BUB1: variants seen among roughly 807,000 people sequenced by gnomAD.
The protein encoded by BUB1 is BUB1 mitotic checkpoint serine/threonine kinase.
A neutral mutation model predicts 135.2 loss-of-function variants in BUB1; 84 were observed. The ratio of observed to expected loss-of-function variants is 0.62; its 90% CI spans 0.52 to 0.74. BUB1 has a LOEUF of 0.74. BUB1 is among the 30% of genes least tolerant of loss of function. The pLI is 0.00. For synonymous variants in BUB1, 403 were observed against 434.4 expected (o/e 0.93, Z 0.90); for missense variants, 1,162 against 1,288.3 (o/e 0.90, Z 1.50).
chr2:110,639,923 T>C (rs762968559), intron 23 of BUB1, 75 bp from the exon 24 acceptor site: 1 of 1,225,154 alleles, frequency 8.2e-7, no homozygotes, highest in Non-Finnish European at 1.2e-6. Flanking sequence ...CTGTCTAACT[T>C]AGGCAGCAAG....
intron 4 of BUB1, 142 bp downstream of exon 4, chr2:110,672,519 T>C: frequency 1.3e-6 from 1 of 776,110 alleles, no homozygotes. Context: ...GAGCAGTTTT[T>C]TTCTTTACAC....
rs942921022 is a variant in BUB1 at position 110,639,827 on chromosome 2, C to A, written c.2977G>T (p.Ala993Ser). The change falls in exon 24 of 25, where the codon GCA (alanine) becomes TCA (serine). Residue 993 changes from alanine (A) to serine (S), a missense_variant. Transcript: ENST00000302759. ...NYQIDYFGVA[A>S]TVYCMLFGTY... ...CCAAAGAGCATGCAATATACTGTTG[C>A]AGCAACCCCAAAGTAATCGATCTAT... is the stretch of plus-strand genomic sequence containing the variant. 2 of 1,613,900 alleles carry A rather than the reference C, an allele frequency of 1.2e-6. No individual in the cohort carries two copies. The highest frequency in any genetic ancestry group is 1.6e-4 in the Middle Eastern group (1 of 6,062).
chr2:110,672,578 A>C, intron 4 of BUB1, 83 bp downstream of exon 4: 9 of 1,410,980 alleles, frequency 6.4e-6, no homozygotes, highest in Non-Finnish European at 8.6e-6. Flanking sequence ...TTCCCTGTAC[A>C]AATTGCTAAT....
chr2:110,664,539 C>T (rs1690190864), intron 9 of BUB1, among the ~76,000 whole-genome samples: 1 of 150,982 alleles, frequency 6.6e-6, no homozygotes, highest in Non-Finnish European at 1.5e-5. Flanking sequence ...ATGCAAGAGA[C>T]CTCAAAAACT....
intron 24 of BUB1, 145 bp downstream of exon 24, chr2:110,639,597 G>A (rs1362397836): frequency 1.5e-6 from 1 of 661,836 alleles, no homozygotes; most frequent in Non-Finnish European, 2.6e-6. Context: ...TGTGCCCAGT[G>A]CCCAGGACTG....
Position 110,639,863 on chromosome 2 carries a change from G to A in BUB1, c.2956-15C>T. ...AAGTAATCGATCTATGAAGAAGATAGAGGTATATATGACTTAAATAGTAAT... is the reference window on the plus strand; with the variant it reads ...AAGTAATCGATCTATGAAGAAGATAAAGGTATATATGACTTAAATAGTAAT... On this transcript the variant is annotated splice_polypyrimidine_tract_variant and intron_variant, in intron 23 of 24. Coordinates refer to ENST00000302759, the MANE Select transcript of BUB1 (RefSeq NM_004336.5). The A allele has an allele frequency of 6.3e-7, 1 of 1,590,556 alleles. No homozygotes were observed. Among genetic ancestry groups the A allele is most frequent in the Non-Finnish European group, 8.6e-7 (1 of 1,158,576 alleles).
chr2:110,641,576 A>G (rs931779766), intron 21 of BUB1, 66 bp downstream of exon 21: 12 of 1,566,078 alleles, frequency 7.7e-6, no homozygotes, highest in Admixed American at 1.8e-5. Context: ...CCACAAAAGT[A>G]CGTGCAAGGT....
At position 110,667,513 on chromosome 2, in the gene BUB1, G is replaced by A. The variant is rs762967052; in HGVS notation, c.805+8C>T. On this transcript the variant is annotated splice_region_variant and intron_variant, in intron 8 of 24. Transcript: ENST00000302759. ...TAAGAATAACTAAAAATACAAGATT[G>A]CAAGTACCCCATTGCTCATGCTTTC... 30 of 1,596,206 alleles carry A rather than the reference G, an allele frequency of 1.9e-5. No individual in the cohort carries two copies. Among genetic ancestry groups the A allele is most frequent in the Non-Finnish European group, 2.6e-5 (30 of 1,174,166 alleles).
At chr2:110,665,759 CTA>C (rs1574331374) in intron 9 of BUB1, among the ~76,000 whole-genome samples, 4 of 151,980 alleles carry the variant, frequency 2.6e-5, no homozygotes, top group Admixed American at 2.0e-4. Context: ...TCATCGTATC[CTA>C]TGTCATAGAC....
intron 24 of BUB1, among the ~76,000 whole-genome samples, chr2:110,639,233 A>T (rs7563221): frequency 3.3e-5 from 5 of 151,446 alleles, no homozygotes; most frequent in Non-Finnish European, 5.9e-5. Flanking sequence ...ATTTATAGAT[A>T]AAAAAAAATC....
rs1418344624 is a variant in BUB1 at position 110,641,790 on chromosome 2, G to A, written c.2477C>T (p.Ala826Val). The change falls in exon 21 of 25, where the codon GCC (alanine) becomes GTC (valine). Residue 826 changes from alanine to valine, a missense_variant. Transcript: ENST00000302759. ...QKFVLKVQKPANPWEFYIGTQ... is the reference protein window; with the variant it reads ...QKFVLKVQKPVNPWEFYIGTQ... ...CCCAATGTAGAATTCCCAGGGGTTG[G>A]CAGGCTTTTGGACCTGCAAATCAGG... 3 of 1,604,734 alleles carry A rather than the reference G, an allele frequency of 1.9e-6. No homozygotes were observed. Among genetic ancestry groups the A allele is most frequent in the Admixed American group, 3.4e-5 (2 of 59,666 alleles).
intron 19 of BUB1, among the ~76,000 whole-genome samples, chr2:110,644,685 T>C (rs1017125335): frequency 1.3e-5 from 2 of 152,012 alleles, no homozygotes; most frequent in Non-Finnish European, 2.9e-5. Context: ...ATCTTACCTA[T>C]AGAGGAGCAA....
intron 6 of BUB1, among the ~76,000 whole-genome samples, chr2:110,668,675 G>C (rs1253536542): frequency 6.6e-6 from 1 of 151,984 alleles, no homozygotes; most frequent in Non-Finnish European, 1.5e-5. Context: ...GATACACCAT[G>C]GAGGCAGAAG....
chr2:110,656,860 C>A (rs1689948045), intron 15 of BUB1, among the ~76,000 whole-genome samples, 176 bp downstream of exon 15: 1 of 152,196 alleles, frequency 6.6e-6, no homozygotes, highest in Non-Finnish European at 1.5e-5. Flanking sequence ...TGCACATACC[C>A]TGTTTCTTCT....
At chr2:110,666,552 G>T in intron 8 of BUB1, 138 bp from the exon 9 acceptor site, 4 of 587,936 alleles carry the variant, frequency 6.8e-6, no homozygotes, top group Non-Finnish European at 7.4e-6. Context: ...TTTTAGAAGT[G>T]AAACTTGTAT....
At chr2:110,675,628 A>T (rs889666252) in intron 1 of BUB1, among the ~76,000 whole-genome samples, 25 of 151,958 alleles carry the variant, frequency 1.6e-4, no homozygotes, top group Non-Finnish European at 3.1e-4. Context: ...TTTTGAAAAA[A>T]CGATGTAAAA....
At position 110,661,644 on chromosome 2, in the gene BUB1, A is replaced by T. The variant is rs1187033319; in HGVS notation, c.1155T>A (p.Pro385=). 1 of 1,614,200 alleles carries T rather than the reference A, an allele frequency of 6.2e-7. No homozygotes were observed. The highest frequency in any genetic ancestry group is 1.3e-5 in the African/African-American group (1 of 75,050). The change falls in exon 10 of 25, where the codon CCT becomes CCA. Residue 385 remains proline (P), a synonymous_variant. Transcript: ENST00000302759. ...TTACTGTCTGGGCTTTCAAAGGAAC[A>T]GGAGGAGCAATGCTCTGGCTGGTGG... ...SPATSQSIAP[P]VPLKAQTVTD... is the part of the protein sequence containing the mutation.
chr2:110,651,455 A>C (rs1689784747), intron 17 of BUB1, among the ~76,000 whole-genome samples: 1 of 152,194 alleles, frequency 6.6e-6, no homozygotes, highest in Non-Finnish European at 1.5e-5. Flanking sequence ...ATAGTTGTAC[A>C]ATGTGTTTGT....
At chr2:110,662,573 G>C (rs978642192) in intron 9 of BUB1, among the ~76,000 whole-genome samples, 2 of 152,204 alleles carry the variant, frequency 1.3e-5, no homozygotes, top group Non-Finnish European at 2.9e-5. Flanking sequence ...ACCGAGGCTG[G>C]TGGTTTGCTT....
Sources: allele counts gnomAD v4.1 joint callset (sites outside exome capture counted in the v4.1 genomes callset), GRCh38; gene constraint gnomAD v4.1.1; transcripts MANE v1.5; gene names NCBI Gene and HGNC (gene_info 2026-07-23, HGNC 2026-07-21).